Variants in MYCBP2 observed in about 807,000 individuals in gnomAD.
MYCBP2 encodes the protein MYC binding protein 2.
A neutral mutation model predicts 525.3 loss-of-function variants in MYCBP2; 120 were observed. The ratio of observed to expected loss-of-function variants is 0.23; its 90% CI spans 0.20 to 0.27. The LOEUF is 0.27. Among genes scored for constraint, MYCBP2 ranks in the 10% least tolerant of loss-of-function variants. MYCBP2 has a pLI of 1.00. For synonymous variants in MYCBP2, 1,894 were observed against 1,955.8 expected, an observed-to-expected ratio of 0.97 and a Z score of 0.83; for missense variants, 4,149 against 5,657.1, an observed-to-expected ratio of 0.73 and a Z score of 8.55.
In MYCBP2 at chr13:77,139,257, G is replaced by T; in HGVS notation, c.7598C>A (p.Thr2533Asn). ...ATTAAAAGAGAGGCACCAGGCTTCA[G>T]TGTAACCATTCATGTTAGGGACATA... Reference protein sequence around the residue: ...KKYVPNMNGYTEAWCLSFNQH... With the variant: ...KKYVPNMNGYNEAWCLSFNQH... Residue 2533 changes from threonine (T) to asparagine (N), a missense_variant, in exon 52 of 83, where the codon ACT becomes AAT. Around this residue, in one of 21 missense-constraint regions of MYCBP2, gnomAD observed 692 missense variants for 852.7 expected, o/e 0.81. Transcript: ENST00000544440. The T allele has an allele frequency of 1.2e-6, 2 of 1,613,944 alleles. No homozygotes were observed. The highest frequency in any genetic ancestry group is 1.1e-5 in the South Asian group (1 of 91,052).
intron 15 of MYCBP2, among the ~76,000 whole-genome samples, chr13:77,244,881 A>G (rs2069583627): frequency 6.6e-6 from 1 of 152,234 alleles, no homozygotes; most frequent in African/African-American, 2.4e-5. Flanking sequence ...TTACAAGAAG[A>G]CATTTATTTA....
rs139088786 is a variant in MYCBP2, at chr13:77,326,005, G to A, written c.302+469C>T. Among the ~76,000 whole-genome samples, 486 of 152,226 alleles carry A rather than the reference G, an allele frequency of 3.2e-3. No individual in the cohort carries two copies. The highest frequency in any genetic ancestry group is 5.1e-3 in the Non-Finnish European group (347 of 68,006). Reference sequence around the variant, plus strand: ...TGAAGGGAGGTGGAAAGGGCTGGAAGGAATGTCATGGGAGAGGCGGCACGT... The same window carrying A: ...TGAAGGGAGGTGGAAAGGGCTGGAAAGAATGTCATGGGAGAGGCGGCACGT... On this transcript the variant is annotated intron_variant, in intron 1 of 82. Transcript: ENST00000544440. The surrounding 1 kb of genome is among the most constrained non-coding windows in gnomAD (Gnocchi z 4.2).
At chr13:77,124,308 T>C (rs568749136) in intron 54 of MYCBP2, among the ~76,000 whole-genome samples, 35 of 152,346 alleles carry the variant, frequency 2.3e-4, no homozygotes, top group African/African-American at 7.5e-4. Flanking sequence ...TCTCCAAAGA[T>C]ACTCCATCAT....
chr13:77,074,007 C>CA, intron 68 of MYCBP2, among the ~76,000 whole-genome samples: 1 of 140,594 alleles, frequency 7.1e-6, no homozygotes, highest in East Asian at 2.4e-4. Flanking sequence ...CCACCGCCCC[C>CA]CCCCCTTTTT....
Position 77,125,321 on chromosome 13 carries a change from T to C in MYCBP2, c.8017+15A>G. The C allele has an allele frequency of 6.2e-7, 1 of 1,613,318 alleles. No homozygotes were observed. The highest frequency in any genetic ancestry group is 8.5e-7 in the Non-Finnish European group (1 of 1,179,488). On this transcript the variant is annotated intron_variant, in intron 54 of 82. Transcript: ENST00000544440. Reference sequence around the variant, plus strand: ...AAGCTTAATTGGAATAAATCACAAATTTAAGCCAACTTGCCATCTTCATGT... The same window carrying C: ...AAGCTTAATTGGAATAAATCACAAACTTAAGCCAACTTGCCATCTTCATGT...
intron 22 of MYCBP2, 66 bp from the exon 23 acceptor site, chr13:77,211,386 T>C (rs1162783977): frequency 1.2e-6 from 1 of 822,844 alleles, no homozygotes; most frequent in Non-Finnish European, 1.6e-6. Flanking sequence ...CCAAAACCCA[T>C]AAAGTAGTAT....
intron 55 of MYCBP2, among the ~76,000 whole-genome samples, chr13:77,105,176 T>C (rs1440457485): frequency 1.3e-5 from 2 of 152,040 alleles, no homozygotes; most frequent in Non-Finnish European, 2.9e-5. Context: ...AGACTCCACA[T>C]AGCAGGAAGA....
In MYCBP2 at chr13:77,243,816, A is replaced by T. The variant is rs2069342843; in HGVS notation, c.2517T>A (p.Asp839Glu). ...LDAVKEMIPL[D>E]LLLAVPVPGV... ...ATCAATCAAAATTACCTAAAAGAAG[A>T]TCTAAAGGTATCATTTCTTTCACTG... Residue 839 changes from aspartate (D) to glutamate (E), a missense_variant, in exon 16 of 83, where the codon GAT (aspartate) becomes GAA (glutamate). Asp to Glu is a conservative substitution (Grantham distance 45, BLOSUM62 2). Transcript: ENST00000544440. 1 of 1,613,564 alleles carries T rather than the reference A, an allele frequency of 6.2e-7. No homozygotes were observed. The highest frequency in any genetic ancestry group is 1.3e-5 in the African/African-American group (1 of 74,874).
chr13:77,255,998 G>C (rs1010967506), intron 14 of MYCBP2, among the ~76,000 whole-genome samples: 4 of 152,054 alleles, frequency 2.6e-5, no homozygotes, highest in African/African-American at 9.7e-5. Context: ...AGGGCAAGAA[G>C]TAGACATGCT....
chr13:77,268,446 T>C (rs1193031329), intron 7 of MYCBP2, among the ~76,000 whole-genome samples: 1 of 152,240 alleles, frequency 6.6e-6, no homozygotes, highest in Non-Finnish European at 1.5e-5. Flanking sequence ...TAAGTTCAAT[T>C]TTTAAGAGAC....
intron 69 of MYCBP2, among the ~76,000 whole-genome samples, chr13:77,069,161 T>C (rs1253486939): frequency 6.6e-6 from 1 of 152,230 alleles, no homozygotes; most frequent in Admixed American, 6.5e-5. Flanking sequence ...TTTCTCATGG[T>C]TTACCATTAT....
chr13:77,250,801 TG>T (rs2071076521), intron 15 of MYCBP2, among the ~76,000 whole-genome samples: 1 of 152,184 alleles, frequency 6.6e-6, no homozygotes, highest in African/African-American at 2.4e-5. Flanking sequence ...AAAAGATTCA[TG>T]TTCAACAGAA....
At chr13:77,045,669 A>C (rs2035407025) in intron 82 of MYCBP2, among the ~76,000 whole-genome samples, 176 bp from the exon 83 acceptor site, 1 of 152,210 alleles carries the variant, frequency 6.6e-6, no homozygotes, top group South Asian at 2.1e-4. Flanking sequence ...TGTTCACTAT[A>C]AAAAATTCAA....
Position 77,098,440 on chromosome 13 carries a change from G to C in MYCBP2, c.8714C>G (p.Pro2905Arg), listed in dbSNP as rs139912388. The change falls in exon 56 of 83, where the codon CCA (proline) becomes CGA (arginine). Residue 2905 changes from proline (P) to arginine (R), a missense_variant. Physicochemically the swap from Pro to Arg is moderately radical, Grantham distance 103 (BLOSUM62 -2). This residue lies in a region of MYCBP2 where 653 missense variants were observed against 744.7 expected (regional missense o/e 0.88). Transcript: ENST00000544440. ...TCCAGGGGAATCTGTAGAATCCTTTGGTACTGATTTTGGTTTTGGTGACGT... is the reference window on the plus strand; with the variant it reads ...TCCAGGGGAATCTGTAGAATCCTTTCGTACTGATTTTGGTTTTGGTGACGT... ...RSTSPKPKSV[P>R]KDSTDSPGSE... The C allele has an allele frequency of 6.2e-7, 1 of 1,613,462 alleles. No individual in the cohort carries two copies. Among genetic ancestry groups the C allele is most frequent in the African/African-American group, 1.3e-5 (1 of 74,852 alleles).
At chr13:77,292,262 T>C (rs1007379508) in intron 2 of MYCBP2, among the ~76,000 whole-genome samples, 1 of 152,180 alleles carries the variant, frequency 6.6e-6, no homozygotes, top group Non-Finnish European at 1.5e-5. Flanking sequence ...ACATACCTTT[T>C]TCCTGCTGCT....
intron 27 of MYCBP2, among the ~76,000 whole-genome samples, chr13:77,193,045 C>T (rs2061433163): frequency 6.6e-6 from 1 of 152,100 alleles, no homozygotes; most frequent in Non-Finnish European, 1.5e-5. Context: ...ATGAGAATCG[C>T]TTAAATCCGG....
intron 38 of MYCBP2, 89 bp from the exon 39 acceptor site, chr13:77,169,803 T>C: frequency 8.8e-7 from 1 of 1,130,528 alleles, no homozygotes; most frequent in Non-Finnish European, 1.3e-6. Flanking sequence ...TATATTCTGC[T>C]CTTTTGAGCG....
intron 43 of MYCBP2, among the ~76,000 whole-genome samples, chr13:77,164,141 A>G (rs1019680175): frequency 6.6e-6 from 1 of 152,198 alleles, no homozygotes; most frequent in Admixed American, 6.5e-5. Context: ...AGAATATTTA[A>G]GAAATATCTA....
At chr13:77,076,405 T>C (rs568866595) in intron 68 of MYCBP2, among the ~76,000 whole-genome samples, 5 of 152,174 alleles carry the variant, frequency 3.3e-5, no homozygotes, top group Non-Finnish European at 4.4e-5. Context: ...AGAGGATAAA[T>C]CGTAAAAAAG....
Sources: allele counts gnomAD v4.1 joint callset (sites outside exome capture counted in the v4.1 genomes callset), GRCh38; gene constraint gnomAD v4.1.1; regional missense constraint gnomAD v4.1.1; non-coding constraint Gnocchi (gnomAD v3.1); transcripts MANE v1.5; gene names NCBI Gene and HGNC (gene_info 2026-07-23, HGNC 2026-07-21).